TFEC: variants seen among roughly 807,000 people sequenced by gnomAD.
TFEC encodes the protein transcription factor EC.
Under a neutral mutation model 41.6 loss-of-function variants are expected in TFEC, and 31 were observed. The observed-to-expected ratio is 0.74, with a 90% CI of 0.56 to 1.01. The LOEUF (loss-of-function observed/expected upper bound fraction) is 1.01, where lower values mean the gene tolerates loss of function less well. Ranked by LOEUF, TFEC falls within the 50% of genes least tolerant of loss-of-function variation. The probability of loss-of-function intolerance (pLI) is 0.00; values close to 1 mark genes in which losing one functional copy is unlikely to be tolerated. For missense variants in TFEC, 402 were observed against 404.1 expected, an observed-to-expected ratio of 0.99 and a Z score of 0.04; for synonymous variants, 143 against 140.6, an observed-to-expected ratio of 1.02 and a Z score of -0.12.
chr7:115,991,149 T>C (rs982528365), intron 1 of TFEC, among the ~76,000 whole-genome samples: 3 of 152,114 alleles, frequency 2.0e-5, no homozygotes, highest in Non-Finnish European at 4.4e-5. Context: ...AAAGGAGAAA[T>C]AAAATCCTTT....
intron 1 of TFEC, among the ~76,000 whole-genome samples, chr7:116,030,220 T>C (rs1795743408): frequency 3.3e-5 from 5 of 152,202 alleles, no homozygotes; most frequent in Admixed American, 3.3e-4. Flanking sequence ...GAGCTCATAT[T>C]TTCTTACCTT....
Position 115,956,690 on chromosome 7 carries a change from CT to C in TFEC, c.370del (p.Arg124GlufsTer11). ...AAAAGCAACATTACCTGTAATTTCT[CT>C]TTTCATTGGTAGACTACTTGGACAA... The part of the protein sequence containing the change: ...ASCPSSLPMK[R>X]EITETDTRAL... On this transcript the variant is annotated frameshift_variant, in exon 4 of 8. Coordinates refer to ENST00000265440, the MANE Select transcript of TFEC (RefSeq NM_012252.4). LOFTEE classifies it high-confidence loss of function. The C allele has an allele frequency of 1.9e-6, 3 of 1,601,434 alleles. No individual in the cohort carries two copies. Among genetic ancestry groups the C allele is most frequent in the Non-Finnish European group, 2.6e-6 (3 of 1,174,714 alleles).
chr7:116,065,297 G>C (rs747427568), intron 3 of TFEC, among the ~76,000 whole-genome samples: 19 of 152,056 alleles, frequency 1.2e-4, no homozygotes, highest in Non-Finnish European at 2.5e-4. Flanking sequence ...AAAATCCCAA[G>C]ACTACAAGAC....
At chr7:116,127,292 T>C (rs927148593) in intron 1 of TFEC, among the ~76,000 whole-genome samples, 4 of 152,104 alleles carry the variant, frequency 2.6e-5, no homozygotes. Context: ...AGACGGGGTT[T>C]CACCATGGTC....
intron 1 of TFEC, among the ~76,000 whole-genome samples, chr7:116,006,395 G>A (rs1794791140): frequency 6.6e-6 from 1 of 152,176 alleles, no homozygotes; most frequent in African/African-American, 2.4e-5. Flanking sequence ...TGTGTGACCT[G>A]GATGTGAGAC....
At chr7:115,954,717 T>C (rs919567760) in intron 4 of TFEC, 75 bp from the exon 5 acceptor site, 3 of 1,101,802 alleles carry the variant, frequency 2.7e-6, no homozygotes, top group Non-Finnish European at 4.0e-6. Context: ...AATTCAGAAC[T>C]CCTAGGTGAA....
chr7:116,066,952 T>A (rs940134812), intron 3 of TFEC, among the ~76,000 whole-genome samples: 1 of 152,052 alleles, frequency 6.6e-6, no homozygotes, highest in Non-Finnish European at 1.5e-5. Flanking sequence ...AATGAAATAT[T>A]TGGAGTTTAA....
At chr7:116,061,727 A>C (rs59365293) in intron 3 of TFEC, among the ~76,000 whole-genome samples, 1 of 151,962 alleles carries the variant, frequency 6.6e-6, no homozygotes, top group Non-Finnish European at 1.5e-5. Flanking sequence ...TATATTCAGA[A>C]TATGTTCTGA....
chr7:115,974,153 G>C lies in TFEC; in HGVS notation c.267+17C>G. 1 of 1,574,492 alleles carries C rather than the reference G, an allele frequency of 6.4e-7. No homozygotes were observed. The highest frequency in any genetic ancestry group is 8.6e-7 in the Non-Finnish European group (1 of 1,163,704). On this transcript the variant is annotated intron_variant, in intron 3 of 7. Coordinates refer to ENST00000265440, the MANE Select transcript of TFEC (RefSeq NM_012252.4). ...CATTTCTGTTTCAATGACCTTCTTGGGTCTGAAAGCACTTACTGTTCTTTG... is the reference window on the plus strand; with the variant it reads ...CATTTCTGTTTCAATGACCTTCTTGCGTCTGAAAGCACTTACTGTTCTTTG...
intron 1 of TFEC, among the ~76,000 whole-genome samples, chr7:116,143,415 T>C (rs1798580100): frequency 6.6e-6 from 1 of 152,026 alleles, no homozygotes; most frequent in Non-Finnish European, 1.5e-5. Context: ...TTATAAAAAA[T>C]GCAGAATAAG....
intron 1 of TFEC, among the ~76,000 whole-genome samples, chr7:116,007,158 G>A (rs6466562): frequency 0.37 from 56,216 of 151,806 alleles, 11,250 homozygotes; most frequent in Non-Finnish European, 0.45. Flanking sequence ...TTTTTAGACA[G>A]GAAATTAATG....
intron 4 of TFEC, 83 bp from the exon 5 acceptor site, chr7:115,954,725 G>A (rs1159529273): frequency 9.8e-7 from 1 of 1,025,546 alleles, no homozygotes; most frequent in Non-Finnish European, 1.4e-6. Flanking sequence ...ACTCCTAGGT[G>A]AAAATAAAAT....
At position 115,991,152 on chromosome 7, in the gene TFEC, A is replaced by T. The variant is rs527253982; in HGVS notation, c.-72-6639T>A. ...ACTAAGCTTCATAAAGGAGAAATAA[A>T]ATCCTTTACAGACAAGCAAATGCTG... On this transcript the variant is annotated intron_variant, in intron 1 of 7. Transcript: ENST00000265440. Among the ~76,000 whole-genome samples, 8 of 152,312 alleles carry T rather than the reference A, an allele frequency of 5.3e-5. No homozygotes were observed. The South Asian group carries it at 1.7e-3, about 32-fold the overall frequency.
intron 6 of TFEC, among the ~76,000 whole-genome samples, chr7:115,946,690 T>C (rs1791589276): frequency 2.0e-5 from 3 of 150,658 alleles, no homozygotes; most frequent in Non-Finnish European, 3.0e-5. Context: ...TCTTTTTTCT[T>C]TTCTCTTCTT....
intron 6 of TFEC, among the ~76,000 whole-genome samples, chr7:115,942,581 A>G (rs1793560686): frequency 6.6e-6 from 1 of 152,070 alleles, no homozygotes; most frequent in South Asian, 2.1e-4. Context: ...ACTTTATGTA[A>G]TAGAGCAAAC....
chr7:116,107,198 A>C (rs1326956410), intron 3 of TFEC, among the ~76,000 whole-genome samples: 1 of 152,154 alleles, frequency 6.6e-6, no homozygotes, highest in Non-Finnish European at 1.5e-5. Flanking sequence ...AATTGAGATA[A>C]CTGCCTGGCT....
At chr7:115,985,692 T>C (rs1235798290) in intron 1 of TFEC, among the ~76,000 whole-genome samples, 1 of 152,142 alleles carries the variant, frequency 6.6e-6, no homozygotes, top group Non-Finnish European at 1.5e-5. Flanking sequence ...TTAATTGTAC[T>C]AGCATAAAAT....
chr7:116,020,753 T>A (rs1027898991), intron 1 of TFEC, among the ~76,000 whole-genome samples: 3 of 152,156 alleles, frequency 2.0e-5, no homozygotes, highest in Non-Finnish European at 4.4e-5. Context: ...CTAAAATCTA[T>A]CTAATCGTAC....
At chr7:116,099,148 T>C (rs1797544433) in intron 3 of TFEC, among the ~76,000 whole-genome samples, 1 of 152,168 alleles carries the variant, frequency 6.6e-6, no homozygotes, top group Admixed American at 6.5e-5. Flanking sequence ...GGAATAAATA[T>C]TGGCAAACCA....
Sources: allele counts gnomAD v4.1 joint callset (sites outside exome capture counted in the v4.1 genomes callset), GRCh38; gene constraint gnomAD v4.1.1; transcripts MANE v1.5; gene names NCBI Gene and HGNC (gene_info 2026-07-23, HGNC 2026-07-21).